RNASET2: variants seen among roughly 807,000 people sequenced by gnomAD.
RNASET2 encodes the protein ribonuclease T2, also known as ribonuclease 6.
A neutral mutation model predicts 33.9 loss-of-function variants in RNASET2; 28 were observed. The observed-to-expected ratio is 0.83, with a 90% CI of 0.61 to 1.13. RNASET2 has a LOEUF of 1.13. Among genes scored for constraint, RNASET2 ranks in the 50% most tolerant of loss-of-function variants. The pLI, the probability that RNASET2 is intolerant of heterozygous loss-of-function variation, is 0.00. For synonymous variants in RNASET2, 123 were observed against 121.0 expected, an observed-to-expected ratio of 1.02 and a Z score of -0.11; for missense variants, 330 against 319.9, an observed-to-expected ratio of 1.03 and a Z score of -0.24.
rs1562506985 is a variant in RNASET2 at position 166,955,272 on chromosome 6, CGCACACACGACACACACGCACAG to C, written c.86+802_86+824del. Among the ~76,000 whole-genome samples, 47 of 99,650 alleles carry C rather than the reference CGCACACACGACACACACGCACAG, an allele frequency of 4.7e-4. 1 individual carries two copies. The South Asian group carries it at 0.014, about 30-fold the overall frequency. 65.4% of individuals were successfully genotyped at this position (99,650 alleles called of 152,430 possible). A position where few individuals can be genotyped will look rare whatever the true frequency, so the allele number is the denominator to read the frequency against. On this transcript the variant is annotated intron_variant, in intron 1 of 8. Transcript: ENST00000508775. ...ACGCACACACGCACACACACACACG[CGCACACACGACACACACGCACAG>C]ACGCGCACACACGACACACACGCAC...
In RNASET2 at chr6:166,926,902, G is replaced by A. The variant is rs1217950237; in HGVS notation, c.*2686C>T. On this transcript the variant is annotated 3_prime_UTR_variant, in exon 9 of 9. Transcript: ENST00000508775. ...GACGCCTGCTCTGGCTGAGACCCGGGCCAGCTGCCCCTCCTGGCTGCTCTC... is the reference window on the plus strand; with the variant it reads ...GACGCCTGCTCTGGCTGAGACCCGGACCAGCTGCCCCTCCTGGCTGCTCTC... Among the ~76,000 whole-genome samples the A allele has an allele frequency of 6.6e-6, 1 of 152,206 alleles. No homozygotes were observed. The highest frequency in any genetic ancestry group is 2.4e-5 in the African/African-American group (1 of 41,452).
intron 3 of RNASET2, 131 bp from the exon 4 acceptor site, chr6:166,946,870 T>C: frequency 1.4e-6 from 1 of 714,976 alleles, no homozygotes; most frequent in Non-Finnish European, 2.6e-6. Flanking sequence ...TGGGAATTCC[T>C]TATCCCAGGC....
intron 5 of RNASET2, among the ~76,000 whole-genome samples, chr6:166,942,582 C>T (rs1778717354): frequency 6.6e-6 from 1 of 152,090 alleles, no homozygotes; most frequent in Non-Finnish European, 1.5e-5. Context: ...CCCGGGACCA[C>T]AGCCGCACAA....
Position 166,945,873 on chromosome 6 carries a change from T to C in RNASET2, c.261+809A>G, listed in dbSNP as rs1778828749. Among the ~76,000 whole-genome samples, 3 of 147,112 alleles carry C rather than the reference T, an allele frequency of 2.0e-5. No individual in the cohort carries two copies. The South Asian group carries it at 6.4e-4, about 32-fold the overall frequency. ...GAAAAGAAAAGAAAAAAAGAACTTGTGATGGATTTGCAACTAATGACCTTG... is the reference window on the plus strand; with the variant it reads ...GAAAAGAAAAGAAAAAAAGAACTTGCGATGGATTTGCAACTAATGACCTTG... On this transcript the variant is annotated intron_variant, in intron 4 of 8. Transcript: ENST00000508775.
At position 166,929,274 on chromosome 6, in the gene RNASET2, G is replaced by A. The variant is rs186499909; in HGVS notation, c.*314C>T. ...GAAAACTCGAGCAAGAGAGTCCCCT[G>A]AATCGGTGCCATCTGTCTAAATTCC... is the stretch of plus-strand genomic sequence containing the variant. On this transcript the variant is annotated 3_prime_UTR_variant, in exon 9 of 9. Transcript: ENST00000508775. Among the ~76,000 whole-genome samples, 266 of 152,236 alleles carry A rather than the reference G, an allele frequency of 1.7e-3. 2 individuals carry two copies. Among genetic ancestry groups the A allele is most frequent in the African/African-American group, 6.3e-3 (262 of 41,520 alleles).
In RNASET2 at chr6:166,922,717, C is replaced by T. The variant is rs775431425; in HGVS notation, c.*6871G>A. On this transcript the variant is annotated 3_prime_UTR_variant, in exon 9 of 9. Transcript: ENST00000508775. ...TGGGCCACTGCTGACTATCTTTTCTCAATTCAGGTTAAATATTTTCAAAAC... is the reference window on the plus strand; with the variant it reads ...TGGGCCACTGCTGACTATCTTTTCTTAATTCAGGTTAAATATTTTCAAAAC... Among the ~76,000 whole-genome samples the T allele has an allele frequency of 1.3e-5, 2 of 152,182 alleles. No individual in the cohort carries two copies. Among genetic ancestry groups the T allele is most frequent in the South Asian group, 4.1e-4 (2 of 4,834 alleles).
At chr6:166,930,974 G>C in intron 8 of RNASET2, 70 bp downstream of exon 8, 2 of 1,076,920 alleles carry the variant, frequency 1.9e-6, no homozygotes, top group Non-Finnish European at 2.9e-6. Flanking sequence ...GCATGGTGAA[G>C]ACAAGGCCAT....
chr6:166,943,475 G>A, intron 4 of RNASET2: 1 of 325,306 alleles, frequency 3.1e-6, no homozygotes, highest in Non-Finnish European at 6.0e-6. Flanking sequence ...TGATTCCAAC[G>A]ACGTGACAAT....
Position 166,952,369 on chromosome 6 carries a change from C to A in RNASET2, c.147+119G>T, listed in dbSNP as rs529919918. 5 of 894,114 alleles carry A rather than the reference C, an allele frequency of 5.6e-6. No homozygotes were observed. The African/African-American group carries it at 6.6e-5, about 12-fold the overall frequency. The allele number at this position is 894,114 out of a possible 1,614,324, so 55.4% of individuals were successfully genotyped here. ...CTCTGCAGGAGACACCGCCCACCCG[C>A]CAGAGCGATGCCTACCTCCCGCACC... On this transcript the variant is annotated intron_variant, in intron 2 of 8. Transcript: ENST00000508775.
chr6:166,955,994 G>A (rs940856690), intron 1 of RNASET2, 103 bp downstream of exon 1: 14 of 990,270 alleles, frequency 1.4e-5, no homozygotes, highest in Non-Finnish European at 1.9e-5. Context: ...GTCGCTGCCC[G>A]GGGCTCAGCG....
Position 166,929,421 on chromosome 6 carries a change from C to T in RNASET2, c.*167G>A, listed in dbSNP as rs997331264. 34 of 734,820 alleles carry T rather than the reference C, an allele frequency of 4.6e-5. No homozygotes were observed. Among genetic ancestry groups the T allele is most frequent in the Middle Eastern group, 4.0e-4 (1 of 2,508 alleles). The allele number at this position is 734,820 out of a possible 1,614,324, so 45.5% of individuals were successfully genotyped here. ...AGGCGTGGGAGAGCTCCTTTCTCCC[C>T]GTGTACGCCACATGCACTCACTCTA... On this transcript the variant is annotated 3_prime_UTR_variant, in exon 9 of 9. Transcript: ENST00000508775.
At chr6:166,945,843 A>AAAAGAAAAGAAAAG (rs1554268872) in intron 4 of RNASET2, among the ~76,000 whole-genome samples, 134 of 146,290 alleles carry the variant, frequency 9.2e-4, no homozygotes, top group African/African-American at 3.1e-3. Context: ...AAAAAAAAAA[A>AAAAGAAAAGAAAAG]AAAAGAAAAG....
rs1473058638 is a variant in RNASET2 at position 166,955,289 on chromosome 6, C to T, written c.86+808G>A. On this transcript the variant is annotated intron_variant, in intron 1 of 8. Coordinates refer to ENST00000508775, the MANE Select transcript of RNASET2 (RefSeq NM_003730.6). Reference sequence around the variant, plus strand: ...CACACACGCGCACACACGACACACACGCACAGACGCGCACACACGACACAC... The same window carrying T: ...CACACACGCGCACACACGACACACATGCACAGACGCGCACACACGACACAC... Among the ~76,000 whole-genome samples, 25 of 68,978 alleles carry T rather than the reference C, an allele frequency of 3.6e-4. 1 individual carries two copies. The highest frequency in any genetic ancestry group is 1.8e-3 in the African/African-American group (24 of 13,552). 45.3% of individuals were successfully genotyped at this position (68,978 alleles called of 152,430 possible).
intron 8 of RNASET2, 67 bp downstream of exon 8, chr6:166,930,977 A>G: frequency 9.1e-7 from 1 of 1,099,496 alleles, no homozygotes. Flanking sequence ...TGGTGAAGAC[A>G]AGGCCATCAG....
rs141182757 is a variant in RNASET2, at chr6:166,934,754, C to T, written c.447-618G>A. On this transcript the variant is annotated intron_variant, in intron 6 of 8. Transcript: ENST00000508775. ...GCTATACCACAAAGCATATGTGTGT[C>T]GTGGGCTGTATCAGCTAAGTAAGTG... The T allele has an allele frequency of 2.6e-3, 394 of 153,230 alleles. 4 individuals carry two copies. Among genetic ancestry groups the T allele is most frequent in the African/African-American group, 6.8e-3 (281 of 41,532 alleles). The allele number at this position is 153,230 out of a possible 1,614,324, so 9.5% of individuals were successfully genotyped here. A position where few individuals can be genotyped will look rare whatever the true frequency, so the allele number is the denominator to read the frequency against.
In RNASET2 at chr6:166,925,783, G is replaced by A. The variant is rs527951601; in HGVS notation, c.*3805C>T. ...TGGGTGTTGATATCCCATGGAACTTGCTAAACTAGGTGAGCAGAAGAGCAC... is the reference window on the plus strand; with the variant it reads ...TGGGTGTTGATATCCCATGGAACTTACTAAACTAGGTGAGCAGAAGAGCAC... On this transcript the variant is annotated 3_prime_UTR_variant, in exon 9 of 9. Transcript: ENST00000508775. 6.6e-6 allele frequency among the ~76,000 whole-genome samples: 1 copy of A among 152,230 alleles called. No individual in the cohort carries two copies. Among genetic ancestry groups the A allele is most frequent in the Admixed American group, 6.5e-5 (1 of 15,292 alleles).
intron 5 of RNASET2, 68 bp downstream of exon 5, chr6:166,942,951 G>A (rs1246738192): frequency 3.9e-6 from 5 of 1,281,708 alleles, no homozygotes; most frequent in African/African-American, 1.5e-5. Context: ...TCCACTTCTA[G>A]CGATTCATCA....
chr6:166,938,990 C>G lies in RNASET2; in HGVS notation c.351G>C (p.Lys117Asn), dbSNP rs373505402. 6.2e-7 allele frequency: 1 copy of G among 1,613,122 alleles called. No homozygotes were observed. Among genetic ancestry groups the G allele is most frequent in the East Asian group, 2.2e-5 (1 of 44,878 alleles). Residue 117 changes from lysine (K) to asparagine (N), a missense_variant, in exon 6 of 9, where the codon AAG becomes AAC. Coordinates refer to ENST00000508775, the MANE Select transcript of RNASET2 (RefSeq NM_003730.6). ...RSRFWKHEWE[K>N]HGTCAAQVDA... The stretch of plus-strand genomic sequence containing the variant: ...CCACCTGGGCGGCGCAGGTCCCATG[C>G]TTTTCCCACTCATGCTTCCTGTGAG...
chr6:166,933,566 G>T lies in RNASET2; in HGVS notation c.492+525C>A. On this transcript the variant is annotated intron_variant, in intron 7 of 8. Coordinates refer to ENST00000508775, the MANE Select transcript of RNASET2 (RefSeq NM_003730.6). The surrounding 1 kb of genome is among the most constrained non-coding windows in gnomAD (Gnocchi z 4.1). ...AGGTCTCACTCTGCTGCCCAGGCTGGTCTCGAAATTCTAGCCACAAGCAAT... is the reference window on the plus strand; with the variant it reads ...AGGTCTCACTCTGCTGCCCAGGCTGTTCTCGAAATTCTAGCCACAAGCAAT... 5.9e-6 allele frequency: 1 copy of T among 169,166 alleles called. No homozygotes were observed. The highest frequency in any genetic ancestry group is 1.7e-4 in the East Asian group (1 of 5,930). The allele number at this position is 169,166 out of a possible 1,614,324, so 10.5% of individuals were successfully genotyped here.
Sources: allele counts gnomAD v4.1 joint callset (sites outside exome capture counted in the v4.1 genomes callset), GRCh38; gene constraint gnomAD v4.1.1; non-coding constraint Gnocchi (gnomAD v3.1); transcripts MANE v1.5; gene names NCBI Gene and HGNC (gene_info 2026-07-23, HGNC 2026-07-21).